The following EYS variants were observed in gnomAD, a reference collection of about 807,000 sequenced individuals.
EYS encodes the protein EGF-like photoreceptor maintenance factor, also known as protein eyes shut homolog.
EYS carries 250 observed loss-of-function variants against 282.1 expected under a neutral mutation model. That is an observed-to-expected ratio of 0.89 (90% CI 0.80 to 0.98). The LOEUF is 0.98. Among genes scored for constraint, EYS ranks in the 50% least tolerant of loss-of-function variants. The probability of loss-of-function intolerance (pLI) is 0.00; values close to 1 mark genes in which losing one functional copy is unlikely to be tolerated. For missense variants in EYS, 4,016 were observed against 3,709.0 expected (o/e 1.08, Z -2.15); for synonymous variants, 1,355 against 1,282.9 (o/e 1.06, Z -1.20).
At chr6:64,107,224 G>C (rs1326088358) in intron 31 of EYS, among the ~76,000 whole-genome samples, 1 of 144,754 alleles carries the variant, frequency 6.9e-6, no homozygotes, top group Non-Finnish European at 1.5e-5. Context: ...GGATTCTCTA[G>C]AGGAACAGAA....
In EYS at chr6:64,657,062, G is replaced by A. The variant is rs149963375; in HGVS notation, c.3444-30817C>T. 7.6e-3 allele frequency among the ~76,000 whole-genome samples: 1,152 copies of A among 152,232 alleles called. 16 individuals carry two copies. Among genetic ancestry groups the A allele is most frequent in the African/African-American group, 0.025 (1,059 of 41,530 alleles). ...CCTGTATTGGGTGCATATATATTTA[G>A]GATAGTTAGCTCTTCTTGTTGAATT... On this transcript the variant is annotated intron_variant, in intron 22 of 42. Transcript: ENST00000503581.
intron 18 of EYS, among the ~76,000 whole-genome samples, chr6:64,894,644 G>A (rs763342905): frequency 9.9e-5 from 15 of 152,190 alleles, no homozygotes; most frequent in Non-Finnish European, 2.1e-4. Flanking sequence ...ATCTTTAATA[G>A]AGTCACAGGT....
At chr6:65,627,118 T>C (rs1235423408) in intron 2 of EYS, among the ~76,000 whole-genome samples, 2 of 152,146 alleles carry the variant, frequency 1.3e-5, no homozygotes, top group Non-Finnish European at 1.5e-5. Flanking sequence ...ACTGTAACAA[T>C]GACAATAAAA....
At chr6:63,838,995 G>A (rs1771880499) in intron 36 of EYS, among the ~76,000 whole-genome samples, 2 of 152,000 alleles carry the variant, frequency 1.3e-5, no homozygotes, top group African/African-American at 4.8e-5. Flanking sequence ...ATACATATAG[G>A]CAATGTGTGA....
intron 19 of EYS, among the ~76,000 whole-genome samples, chr6:64,876,889 GT>G (rs1766766455): frequency 6.6e-6 from 1 of 152,096 alleles, no homozygotes; most frequent in Non-Finnish European, 1.5e-5. Context: ...TAAGGAGTAT[GT>G]GCTTTGTTCA....
intron 15 of EYS, among the ~76,000 whole-genome samples, chr6:64,925,971 G>A (rs1046144815): frequency 6.6e-6 from 1 of 152,152 alleles, no homozygotes; most frequent in Non-Finnish European, 1.5e-5. Flanking sequence ...GACCCAGGAT[G>A]GGGAATGAGA....
rs546460296 is a variant in EYS at position 64,453,191 on chromosome 6, A to G, written c.5645-13839T>C. Among the ~76,000 whole-genome samples the G allele has an allele frequency of 5.7e-3, 868 of 151,274 alleles. 7 individuals carry two copies. The highest frequency in any genetic ancestry group is 0.021 in the African/African-American group (833 of 40,608). On this transcript the variant is annotated intron_variant, in intron 26 of 42. Transcript: ENST00000503581. ...AACAAACAACCCCATCAAAAAGTGG[A>G]CGAAGGATATGAACAGACACTTCTC...
chr6:64,361,149 T>C (rs1357298509), intron 29 of EYS, among the ~76,000 whole-genome samples: 2 of 151,694 alleles, frequency 1.3e-5, no homozygotes, highest in African/African-American at 4.8e-5. Context: ...ATCACTGTGC[T>C]AAGAAGTATA....
At chr6:63,847,434 C>A (rs1214009197) in intron 36 of EYS, among the ~76,000 whole-genome samples, 3 of 152,066 alleles carry the variant, frequency 2.0e-5, no homozygotes, top group Non-Finnish European at 4.4e-5. Context: ...TCCTTGCCAT[C>A]CCCTCTGTTT....
chr6:65,382,457 CTGTGTGTGTG>C (rs55949006), intron 8 of EYS, among the ~76,000 whole-genome samples: 1,179 of 111,990 alleles, frequency 0.011, 14 homozygotes, highest in African/African-American at 0.031. Context: ...CTCCTTTCCT[CTGTGTGTGTG>C]TGTGTGTGTG....
rs1255854589 is a variant in EYS, at chr6:64,957,683, G to A, written c.2260-11769C>T. 2.0e-5 allele frequency among the ~76,000 whole-genome samples: 3 copies of A among 152,178 alleles called. No homozygotes were observed. In the East Asian group the frequency reaches 5.8e-4, roughly 29 times the overall value. On this transcript the variant is annotated intron_variant, in intron 14 of 42. Transcript: ENST00000503581. ...ATGATTTGATTATTTCACATTGCAT[G>A]CCTGTATCAAAACATCTCATGCATA...
At chr6:64,021,161 A>AT (rs968679898) in intron 33 of EYS, among the ~76,000 whole-genome samples, 9 of 151,774 alleles carry the variant, frequency 5.9e-5, no homozygotes, top group African/African-American at 1.9e-4. Flanking sequence ...TCAAGGGAAA[A>AT]AAAAAAAGCC....
chr6:64,458,318 G>A (rs566425488), intron 26 of EYS, among the ~76,000 whole-genome samples: 1 of 151,634 alleles, frequency 6.6e-6, no homozygotes, highest in Non-Finnish European at 1.5e-5. Context: ...CTTTTTTTTA[G>A]CTTGAAGAAC....
At chr6:64,094,065 T>G (rs1051843992) in intron 31 of EYS, among the ~76,000 whole-genome samples, 2 of 152,310 alleles carry the variant, frequency 1.3e-5, no homozygotes, top group African/African-American at 4.8e-5. Flanking sequence ...ATTTATTGAT[T>G]TGCGTATGTG....
Position 64,923,806 on chromosome 6 carries a change from C to G in EYS, c.2382-11063G>C, listed in dbSNP as rs187136564. Among the ~76,000 whole-genome samples, 423 of 152,334 alleles carry G rather than the reference C, an allele frequency of 2.8e-3. 6 individuals carry two copies. Among genetic ancestry groups the G allele is most frequent in the African/African-American group, 9.9e-3 (412 of 41,586 alleles). On this transcript the variant is annotated intron_variant, in intron 15 of 42. Coordinates refer to ENST00000503581, the MANE Select transcript of EYS (RefSeq NM_001142800.2). Reference sequence around the variant, plus strand: ...TTGACTCCATGTCTCACATCCATGTCACACTGGTGCAAGAGGTAAGTTCTC... The same window carrying G: ...TTGACTCCATGTCTCACATCCATGTGACACTGGTGCAAGAGGTAAGTTCTC...
intron 1 of EYS, among the ~76,000 whole-genome samples, chr6:65,683,021 T>G (rs188084335): frequency 2.0e-5 from 3 of 151,924 alleles, no homozygotes; most frequent in African/African-American, 4.8e-5. Context: ...TGTTCAGATA[T>G]GGATCAAAGA....
intron 31 of EYS, among the ~76,000 whole-genome samples, chr6:64,132,104 C>A (rs960334295): frequency 1.3e-5 from 2 of 151,850 alleles, no homozygotes; most frequent in Non-Finnish European, 2.9e-5. Flanking sequence ...GAGTAAAATA[C>A]CTGTCAATGA....
At chr6:65,370,007 A>G (rs891404243) in intron 8 of EYS, among the ~76,000 whole-genome samples, 1 of 151,634 alleles carries the variant, frequency 6.6e-6, no homozygotes, top group Admixed American at 6.7e-5. Context: ...GGTTTGGGGT[A>G]CAATCAGAAG....
At chr6:64,383,497 C>T (rs6905538) in intron 29 of EYS, among the ~76,000 whole-genome samples, 105,340 of 152,078 alleles carry the variant, frequency 0.69, 36,464 homozygotes, top group South Asian at 0.71. Flanking sequence ...GGTAGTCCAG[C>T]GGAATAAGCA....
Sources: gnomAD v4.1 joint callset for allele counts (sites outside exome capture counted in the v4.1 genomes callset) on GRCh38, gnomAD v4.1.1 for gene constraint, MANE v1.5 for transcripts, NCBI Gene and HGNC (gene_info 2026-07-23, HGNC 2026-07-21) for gene names.